RBFOX1: variants seen among roughly 807,000 people sequenced by gnomAD.
RBFOX1 encodes RNA binding protein fox-1 homolog 1.
RBFOX1 carries 8 observed loss-of-function variants against 57.7 expected under a neutral mutation model. The observed-to-expected ratio is 0.14, with a 90% CI of 0.08 to 0.25. RBFOX1 has a LOEUF of 0.25. Ranked by LOEUF, RBFOX1 falls within the 10% of genes least tolerant of loss-of-function variation. RBFOX1 has a pLI of 1.00. For missense variants in RBFOX1, 611 were observed against 548.5 expected, an observed-to-expected ratio of 1.11 and a Z score of -1.14; for synonymous variants, 326 against 222.4, an observed-to-expected ratio of 1.47 and a Z score of -4.15.
At chr16:5,361,232 G>T (rs1399420985) in intron 1 of RBFOX1, among the ~76,000 whole-genome samples, 2 of 152,138 alleles carry the variant, frequency 1.3e-5, no homozygotes, top group African/African-American at 4.8e-5. Flanking sequence ...TTCCACTGCT[G>T]CCAATTTGCC....
rs534269700 is a variant in RBFOX1, at chr16:5,674,883, A to T, written c.318+75922A>T. On this transcript the variant is annotated intron_variant, in intron 3 of 19. Coordinates refer to the RBFOX1 transcript ENST00000641259. The stretch of plus-strand genomic sequence containing the variant: ...TGTGGCTGAATATGGTGGGTGGCTC[A>T]TGTCTGTAATCCCAGCACTTTGGAA... Among the ~76,000 whole-genome samples, 136 of 152,260 alleles carry T rather than the reference A, an allele frequency of 8.9e-4. 4 individuals are homozygous for T. In the South Asian group the frequency reaches 0.019, roughly 21 times the overall value.
At chr16:7,175,870 G>A (rs1180992825) in intron 4 of RBFOX1, among the ~76,000 whole-genome samples, 3 of 152,148 alleles carry the variant, frequency 2.0e-5, no homozygotes, top group Non-Finnish European at 2.9e-5. Flanking sequence ...AAGGACTCCA[G>A]GTTCTTATAT....
chr16:6,688,997 A>G (rs1445013393), intron 3 of RBFOX1, among the ~76,000 whole-genome samples: 1 of 152,152 alleles, frequency 6.6e-6, no homozygotes, highest in Non-Finnish European at 1.5e-5. Flanking sequence ...ATAGTATTCC[A>G]TGGTTTATAT....
chr16:6,653,839 G>T (rs2098622501), intron 2 of RBFOX1, among the ~76,000 whole-genome samples: 1 of 151,684 alleles, frequency 6.6e-6, no homozygotes, highest in African/African-American at 2.4e-5. Flanking sequence ...AGGATAGATG[G>T]ATGATTGGAT....
intron 4 of RBFOX1, among the ~76,000 whole-genome samples, chr16:7,316,564 C>A (rs767859149): frequency 2.0e-5 from 3 of 152,172 alleles, no homozygotes; most frequent in Non-Finnish European, 2.9e-5. Flanking sequence ...GTCTGCTTTT[C>A]TTCATGGAGG....
chr16:5,950,293 C>T (rs562633119), intron 4 of RBFOX1, among the ~76,000 whole-genome samples: 2 of 152,276 alleles, frequency 1.3e-5, no homozygotes, highest in African/African-American at 4.8e-5. Flanking sequence ...GACTGAACAC[C>T]CAGGAAGCCA....
At chr16:6,588,189 C>G (rs965146125) in intron 2 of RBFOX1, among the ~76,000 whole-genome samples, 4 of 151,646 alleles carry the variant, frequency 2.6e-5, no homozygotes, top group Admixed American at 2.0e-4. Context: ...TGAGATTGTG[C>G]CACTGTACTC....
At chr16:7,001,197 C>A (rs2127070) in intron 3 of RBFOX1, among the ~76,000 whole-genome samples, 1 of 152,014 alleles carries the variant, frequency 6.6e-6, no homozygotes, top group Non-Finnish European at 1.5e-5. Context: ...AATGATCATT[C>A]TAAATGTCCA....
At chr16:7,127,424 C>T (rs771627655) in intron 4 of RBFOX1, among the ~76,000 whole-genome samples, 1 of 152,100 alleles carries the variant, frequency 6.6e-6, no homozygotes, top group Non-Finnish European at 1.5e-5. Context: ...ACTATTATCC[C>T]CATCTTATAT....
At chr16:5,857,965 T>A (rs896432199) in intron 3 of RBFOX1, among the ~76,000 whole-genome samples, 1 of 151,798 alleles carries the variant, frequency 6.6e-6, no homozygotes, top group African/African-American at 2.4e-5. Flanking sequence ...AAAAAAGAAA[T>A]GTTATAAAAT....
At chr16:6,879,377 C>T (rs1358200714) in intron 3 of RBFOX1, among the ~76,000 whole-genome samples, 1 of 152,148 alleles carries the variant, frequency 6.6e-6, no homozygotes, top group Non-Finnish European at 1.5e-5. Flanking sequence ...TCTCTCTCTG[C>T]CCTGTTTATA....
At position 5,971,016 on chromosome 16, in the gene RBFOX1, T is replaced by C. The variant is rs190953530; in HGVS notation, c.351+103681T>C. 7.2e-5 allele frequency among the ~76,000 whole-genome samples: 11 copies of C among 152,348 alleles called. No homozygotes were observed. The East Asian group carries it at 2.1e-3, about 29-fold the overall frequency. On this transcript the variant is annotated intron_variant, in intron 4 of 19. Coordinates refer to the RBFOX1 transcript ENST00000641259. ...GAGACATCTCTATCCTGTCTTGCTATGTGTCCATACCAGAGGATGCTCCCT... is the reference window on the plus strand; with the variant it reads ...GAGACATCTCTATCCTGTCTTGCTACGTGTCCATACCAGAGGATGCTCCCT...
At chr16:7,548,653 G>T (rs1346052408) in intron 5 of RBFOX1, among the ~76,000 whole-genome samples, 1 of 152,194 alleles carries the variant, frequency 6.6e-6, no homozygotes, top group African/African-American at 2.4e-5. Flanking sequence ...AGTCAAACAA[G>T]TCCAAAGCTT....
intron 4 of RBFOX1, among the ~76,000 whole-genome samples, chr16:5,960,718 C>G (rs943053713): frequency 6.6e-6 from 1 of 152,166 alleles, no homozygotes; most frequent in Non-Finnish European, 1.5e-5. Context: ...CCAGCCGCAC[C>G]TCCTCCATCA....
chr16:6,469,075 C>G (rs932369776), intron 2 of RBFOX1, among the ~76,000 whole-genome samples: 2 of 152,182 alleles, frequency 1.3e-5, no homozygotes, highest in African/African-American at 4.8e-5. Flanking sequence ...TCTTAGTACA[C>G]AAGCAACAAG....
intron 3 of RBFOX1, among the ~76,000 whole-genome samples, chr16:5,758,207 C>G (rs1034633166): frequency 6.6e-6 from 1 of 152,210 alleles, no homozygotes; most frequent in Non-Finnish European, 1.5e-5. Context: ...ACAAATGATG[C>G]TATTAATCCT....
At chr16:6,168,665 G>T (rs1434243874) in intron 1 of RBFOX1, among the ~76,000 whole-genome samples, 1 of 152,100 alleles carries the variant, frequency 6.6e-6, no homozygotes, top group African/African-American at 2.4e-5. Flanking sequence ...AATACTTTGT[G>T]CTTTTTCTCT....
At chr16:6,346,117 G>A (rs1430807030) in intron 2 of RBFOX1, among the ~76,000 whole-genome samples, 2 of 152,168 alleles carry the variant, frequency 1.3e-5, no homozygotes, top group Non-Finnish European at 2.9e-5. Flanking sequence ...TTGGCCCTAA[G>A]CATTTCCCAG....
intron 1 of RBFOX1, among the ~76,000 whole-genome samples, chr16:6,197,357 A>C (rs138357908): frequency 3.0e-4 from 46 of 152,128 alleles, no homozygotes; most frequent in African/African-American, 1.1e-3. Context: ...TTGTGTCTCA[A>C]ACTGAAATCA....
Sources: gnomAD v4.1 joint callset for allele counts (sites outside exome capture counted in the v4.1 genomes callset) on GRCh38, gnomAD v4.1.1 for gene constraint, MANE v1.5 for transcripts, NCBI Gene and HGNC (gene_info 2026-07-23, HGNC 2026-07-21) for gene names.